HABP4: variants seen among roughly 807,000 people sequenced by gnomAD.
The protein encoded by HABP4 is intracellular hyaluronan-binding protein 4.
Under a neutral mutation model 44.1 loss-of-function variants are expected in HABP4, and 32 were observed. That is an observed-to-expected ratio of 0.73 (90% confidence interval 0.55 to 0.97). HABP4 has a LOEUF of 0.97. HABP4 is among the 50% of genes least tolerant of loss of function. HABP4 has a pLI of 0.00. For synonymous variants in HABP4, 216 were observed against 218.0 expected (o/e 0.99, Z 0.08); for missense variants, 503 against 561.9 (o/e 0.90, Z 1.06).
intron 6 of HABP4, among the ~76,000 whole-genome samples, chr9:96,486,821 C>T (rs1587690090): frequency 6.6e-6 from 1 of 152,002 alleles, no homozygotes; most frequent in South Asian, 2.1e-4. Context: ...TGGGCCAGGG[C>T]CAGCTGGAGC....
At chr9:96,475,532 C>G (rs1195157497) in intron 5 of HABP4, among the ~76,000 whole-genome samples, 7 of 152,208 alleles carry the variant, frequency 4.6e-5, no homozygotes, top group Non-Finnish European at 7.3e-5. Flanking sequence ...TATTCTCACA[C>G]TGGGACAGAG....
intron 5 of HABP4, among the ~76,000 whole-genome samples, chr9:96,481,156 C>T (rs1832870504): frequency 6.6e-6 from 1 of 152,166 alleles, no homozygotes; most frequent in African/African-American, 2.4e-5. Context: ...GCCATCTTGG[C>T]TCACTGCAAC....
At chr9:96,466,828 T>A (rs1216277450) in intron 4 of HABP4, among the ~76,000 whole-genome samples, 1 of 152,050 alleles carries the variant, frequency 6.6e-6, no homozygotes, top group African/African-American at 2.4e-5. Flanking sequence ...CTGCAGGCAG[T>A]GCAGTGTGAG....
intron 5 of HABP4, among the ~76,000 whole-genome samples, chr9:96,479,068 G>A (rs532519895): frequency 1.3e-5 from 2 of 152,238 alleles, no homozygotes; most frequent in African/African-American, 4.8e-5. Flanking sequence ...CAGGGCATTT[G>A]GGTGGACAGA....
chr9:96,490,380 A>AAGC lies in HABP4; in HGVS notation c.*345_*347dup, dbSNP rs2131168991. The AAGC allele has an allele frequency of 4.5e-6, 1 of 220,542 alleles. No homozygotes were observed. Among genetic ancestry groups the AAGC allele is most frequent in the African/African-American group, 2.3e-5 (1 of 44,172 alleles). 13.7% of individuals were successfully genotyped at this position (220,542 alleles called of 1,614,324 possible). ...AATAGACTCCATGGAGACTCTTAGGAAGCAGTAGATTCCCGGGGGCTGTGC... is the reference window on the plus strand; with the variant it reads ...AATAGACTCCATGGAGACTCTTAGGAAGCAGCAGTAGATTCCCGGGGGCTGTGC... On this transcript the variant is annotated 3_prime_UTR_variant, in exon 8 of 8. Transcript: ENST00000375249.
chr9:96,458,819 T>C (rs1832448403), intron 2 of HABP4, among the ~76,000 whole-genome samples: 3 of 151,986 alleles, frequency 2.0e-5, no homozygotes, highest in South Asian at 4.1e-4. Context: ...ACGGGGTTTC[T>C]CCATGTTGGT....
intron 2 of HABP4, among the ~76,000 whole-genome samples, chr9:96,462,611 CA>C (rs35043603): frequency 0.24 from 30,313 of 126,152 alleles, 3,389 homozygotes; most frequent in African/African-American, 0.36. Context: ...GACTCTGTCT[CA>C]AAAAAAAAAA....
Position 96,450,751 on chromosome 9 carries a change from G to C in HABP4, c.349+123G>C, listed in dbSNP as rs1213374395. The stretch of plus-strand genomic sequence containing the variant: ...GGGAGAGTTGAGGGTCCTGGTGGCC[G>C]CCGAAGGTAGGAGGAGAGGGGCAGG... On this transcript the variant is annotated intron_variant, in intron 1 of 7. Coordinates refer to ENST00000375249, the MANE Select transcript of HABP4 (RefSeq NM_014282.4). The surrounding 1 kb of genome is among the most constrained non-coding windows in gnomAD (Gnocchi z 4.8). 1 of 786,676 alleles carries C rather than the reference G, an allele frequency of 1.3e-6. No individual in the cohort carries two copies. The highest frequency in any genetic ancestry group is 1.7e-6 in the Non-Finnish European group (1 of 589,896). The allele number at this position is 786,676 out of a possible 1,614,324, so 48.7% of individuals were successfully genotyped here.
intron 5 of HABP4, among the ~76,000 whole-genome samples, chr9:96,480,493 T>C (rs1249064567): frequency 6.6e-6 from 1 of 152,228 alleles, no homozygotes; most frequent in East Asian, 1.9e-4. Context: ...CATTTTATTG[T>C]GAAAATTTCA....
intron 7 of HABP4, 80 bp from the exon 8 acceptor site, chr9:96,489,902 C>A: frequency 1.1e-6 from 1 of 891,672 alleles, no homozygotes; most frequent in Non-Finnish European, 1.9e-6. Context: ...AGCGTTGGTG[C>A]CAGGCCCTTG....
chr9:96,486,716 G>GT (rs1832982505), intron 6 of HABP4, among the ~76,000 whole-genome samples: 1 of 152,000 alleles, frequency 6.6e-6, no homozygotes, highest in Non-Finnish European at 1.5e-5. Context: ...AGTTTACTTT[G>GT]TTCTGGACAC....
At chr9:96,481,681 AG>A (rs1832882583) in intron 5 of HABP4, among the ~76,000 whole-genome samples, 1 of 151,970 alleles carries the variant, frequency 6.6e-6, no homozygotes, top group Non-Finnish European at 1.5e-5. Context: ...AGGAGGTTGA[AG>A]GTATGGTGAG....
intron 6 of HABP4, among the ~76,000 whole-genome samples, chr9:96,485,622 G>A (rs1832962426): frequency 1.3e-5 from 2 of 152,168 alleles, no homozygotes; most frequent in South Asian, 4.1e-4. Context: ...AGAGGTTTCG[G>A]GGAAACATCT....
intron 1 of HABP4, among the ~76,000 whole-genome samples, chr9:96,454,478 T>C (rs1459144925): frequency 3.5e-5 from 5 of 142,532 alleles, no homozygotes; most frequent in Admixed American, 2.2e-4. Flanking sequence ...TGAGACGGAG[T>C]CTCGCTCTGT....
At chr9:96,471,170 A>G in intron 5 of HABP4, 76 bp downstream of exon 5, 3 of 819,722 alleles carry the variant, frequency 3.7e-6, no homozygotes, top group East Asian at 5.0e-5. Context: ...TTGAGATGGA[A>G]CTTGCTTTGT....
chr9:96,480,404 G>C (rs1419689929), intron 5 of HABP4, among the ~76,000 whole-genome samples: 1 of 151,988 alleles, frequency 6.6e-6, no homozygotes, highest in African/African-American at 2.4e-5. Flanking sequence ...TTAATTTGCT[G>C]TTCCAATGTC....
intron 5 of HABP4, among the ~76,000 whole-genome samples, chr9:96,473,538 C>T (rs1386515310): frequency 5.3e-5 from 8 of 152,118 alleles, no homozygotes; most frequent in Admixed American, 6.5e-5. Flanking sequence ...GTGTTCACAC[C>T]GCATTCTGAT....
chr9:96,469,680 G>A (rs375469038), intron 4 of HABP4, among the ~76,000 whole-genome samples: 28 of 151,916 alleles, frequency 1.8e-4, no homozygotes, highest in African/African-American at 5.8e-4. Flanking sequence ...CCGCCACCAC[G>A]CCCACCTAAT....
chr9:96,473,993 G>A (rs1002626360), intron 5 of HABP4, among the ~76,000 whole-genome samples: 2 of 152,098 alleles, frequency 1.3e-5, no homozygotes, highest in South Asian at 2.1e-4. Context: ...GAATAATAAC[G>A]TACCTACATT....
Sources: allele counts gnomAD v4.1 joint callset (sites outside exome capture counted in the v4.1 genomes callset), GRCh38; gene constraint gnomAD v4.1.1; non-coding constraint Gnocchi (gnomAD v3.1); transcripts MANE v1.5; gene names NCBI Gene and HGNC (gene_info 2026-07-23, HGNC 2026-07-21).